AKAP11: variants seen among roughly 807,000 people sequenced by gnomAD.
The protein encoded by AKAP11 is A-kinase anchor protein 11.
A neutral mutation model predicts 146.1 loss-of-function variants in AKAP11; 36 were observed. The observed-to-expected ratio is 0.25, with a 90% CI of 0.19 to 0.33. AKAP11 has a LOEUF of 0.33. AKAP11 is among the 10% of genes least tolerant of loss of function. AKAP11 has a pLI of 1.00. For missense variants in AKAP11, 2,201 were observed against 2,197.0 expected, an observed-to-expected ratio of 1.00 and a Z score of -0.04; for synonymous variants, 780 against 786.5, an observed-to-expected ratio of 0.99 and a Z score of 0.14.
chr13:42,276,977 G>A (rs1021754910), intron 1 of AKAP11, among the ~76,000 whole-genome samples: 1 of 152,192 alleles, frequency 6.6e-6, no homozygotes, highest in African/African-American at 2.4e-5. Context: ...ATAGGGCTAC[G>A]TACAAGATTA....
In AKAP11 at chr13:42,300,101, C is replaced by T. The variant is rs750745892; in HGVS notation, c.1355C>T (p.Ser452Phe). ...EDSGLFSPIR[S>F]SAFSPLGGCT... is the part of the protein sequence containing the mutation. ...AGTGGTTTATTTAGTCCTATTCGAT[C>T]CTCTGCTTTTAGTCCTCTTGGAGGC... The change falls in exon 8 of 13, where the codon TCC becomes TTC. Residue 452 changes from serine to phenylalanine, a missense_variant. Coordinates refer to ENST00000025301, the MANE Select transcript of AKAP11 (RefSeq NM_016248.4). 19 of 1,613,818 alleles carry T rather than the reference C, an allele frequency of 1.2e-5. No homozygotes were observed. The highest frequency in any genetic ancestry group is 1.6e-4 in the Middle Eastern group (1 of 6,084).
chr13:42,293,680 C>T (rs989179722), intron 4 of AKAP11, among the ~76,000 whole-genome samples: 3 of 152,134 alleles, frequency 2.0e-5, no homozygotes, highest in East Asian at 1.9e-4. Flanking sequence ...TCGGATAGGT[C>T]GCAGTGCTTT....
intron 1 of AKAP11, among the ~76,000 whole-genome samples, chr13:42,274,944 T>C (rs1958878197): frequency 6.6e-6 from 1 of 152,228 alleles, no homozygotes; most frequent in Non-Finnish European, 1.5e-5. Context: ...AAAAAGTTAG[T>C]GCGAAGCACA....
At chr13:42,272,272 A>C (rs1280491949) in intron 1 of AKAP11, 44 bp downstream of exon 1, 4 of 152,280 alleles carry the variant, frequency 2.6e-5, no homozygotes, top group Admixed American at 2.0e-4. Context: ...CTGCGTTTAG[A>C]TGGGGTGGCG....
chr13:42,307,651 T>C (rs1314779889), intron 8 of AKAP11, among the ~76,000 whole-genome samples: 1 of 151,378 alleles, frequency 6.6e-6, no homozygotes, highest in Non-Finnish European at 1.5e-5. Context: ...AGGCTTGTAT[T>C]GCTGAAGTGG....
rs866978212 is a variant in AKAP11 at position 42,313,418 on chromosome 13, G to T, written c.5357+288G>T. ...ATTCAAAAGAGCTTGCTTCCTACAG[G>T]ATTTCTGTTGGGTTTTTTTGTTATG... On this transcript the variant is annotated intron_variant, in intron 10 of 12. Transcript: ENST00000025301. 1.2e-4 allele frequency among the ~76,000 whole-genome samples: 19 copies of T among 152,090 alleles called. No individual in the cohort carries two copies. In the Middle Eastern group the frequency reaches 0.01, roughly 82 times the overall value.
chr13:42,299,637 A>AT lies in AKAP11; in HGVS notation c.898dup (p.Ser300PhefsTer9), dbSNP rs796581724. The AT allele has an allele frequency of 6.2e-7, 1 of 1,613,836 alleles. No individual in the cohort carries two copies. The highest frequency in any genetic ancestry group is 8.5e-7 in the Non-Finnish European group (1 of 1,179,864). On this transcript the variant is annotated frameshift_variant, in exon 8 of 13. Coordinates refer to ENST00000025301, the MANE Select transcript of AKAP11 (RefSeq NM_016248.4). LOFTEE classifies it high-confidence loss of function. ...ATAAAGATAGTGATTTACAGAAAAC[A>AT]TTTTTTTCGTCTTCTCCTGCCTACT...
rs3038994 is a variant in AKAP11 at position 42,319,708 on chromosome 13, C to CCTTT, written c.*482_*485dup. 131,329 of 152,078 alleles carry CCTTT rather than the reference C, an allele frequency of 0.86. 56,794 individuals are homozygous for CCTTT. The highest frequency in any genetic ancestry group is 0.91 in the Admixed American group (13,851 of 15,240). The allele number at this position is 152,078 out of a possible 1,614,324, so 9.4% of individuals were successfully genotyped here. ...TTAAAAATTTCTAGTAGATTTTTGG[C>CCTTT]CTTTCCTGTTTTTAAAAATCAGTTT... On this transcript the variant is annotated 3_prime_UTR_variant, in exon 13 of 13. Coordinates refer to ENST00000025301, the MANE Select transcript of AKAP11 (RefSeq NM_016248.4).
At chr13:42,275,220 A>T (rs533318602) in intron 1 of AKAP11, among the ~76,000 whole-genome samples, 3 of 152,278 alleles carry the variant, frequency 2.0e-5, no homozygotes, top group African/African-American at 7.2e-5. Context: ...TTTCTTTCAG[A>T]TTGGCCTTCT....
chr13:42,277,070 T>G (rs116273344), intron 1 of AKAP11, among the ~76,000 whole-genome samples: 1,622 of 152,360 alleles, frequency 0.011, 22 homozygotes, highest in African/African-American at 0.037. Flanking sequence ...TTGCATTTTT[T>G]TGTAGGTATT....
intron 3 of AKAP11, among the ~76,000 whole-genome samples, chr13:42,287,103 C>G (rs909346987): frequency 1.3e-5 from 2 of 152,160 alleles, no homozygotes; most frequent in African/African-American, 4.8e-5. Context: ...TAACTCTTGT[C>G]TCCTTTGCTA....
chr13:42,305,140 T>G (rs1262788994), intron 8 of AKAP11, among the ~76,000 whole-genome samples: 1 of 152,224 alleles, frequency 6.6e-6, no homozygotes, highest in Non-Finnish European at 1.5e-5. Context: ...CCAACTTGTG[T>G]TATTAGTTGA....
In AKAP11 at chr13:42,299,374, A is replaced by T. The variant is rs765784592; in HGVS notation, c.628A>T (p.Thr210Ser). The part of the protein sequence containing the change: ...SKPYNDGMNI[T>S]VLRSQCDAAS... ...TTCTTTTCCTATAGGAATGAACATT[A>T]CTGTGCTAAGGAGCCAGTGTGATGC... The change falls in exon 8 of 13, where the codon ACT becomes TCT. Residue 210 changes from threonine (T) to serine (S), a missense_variant. By Grantham distance (58) the Thr-to-Ser change is moderately conservative (BLOSUM62 1). This residue lies in a region of AKAP11 where 331 missense variants were observed against 347.4 expected (regional missense o/e 0.95). Coordinates refer to ENST00000025301, the MANE Select transcript of AKAP11 (RefSeq NM_016248.4). The T allele has an allele frequency of 6.2e-7, 1 of 1,610,758 alleles. No homozygotes were observed. Among genetic ancestry groups the T allele is most frequent in the Admixed American group, 1.7e-5 (1 of 59,406 alleles).
At chr13:42,271,781 C>T (rs1342329715), upstream of AKAP11, among the ~76,000 whole-genome samples, 1 of 151,908 alleles carries the variant, frequency 6.6e-6, no homozygotes, top group Non-Finnish European at 1.5e-5. Context: ...AGGTCGCCCT[C>T]GAATTTAAAG....
At chr13:42,310,533 C>T (rs1421459708) in intron 9 of AKAP11, among the ~76,000 whole-genome samples, 1 of 151,962 alleles carries the variant, frequency 6.6e-6, no homozygotes, top group Non-Finnish European at 1.5e-5. Context: ...TTTTCTGCTA[C>T]AGAGATCAAG....
intron 1 of AKAP11, among the ~76,000 whole-genome samples, chr13:42,278,274 TCATTTTATA>T (rs1329271271): frequency 6.6e-6 from 1 of 152,198 alleles, no homozygotes; most frequent in Non-Finnish European, 1.5e-5. Flanking sequence ...CATACTAAAA[TCATTTTATA>T]CGATTGACTG....
upstream of AKAP11, among the ~76,000 whole-genome samples, chr13:42,271,878 G>A (rs1265527095): frequency 6.6e-6 from 1 of 151,750 alleles, no homozygotes; most frequent in Non-Finnish European, 1.5e-5. Flanking sequence ...CTGCTCCGCG[G>A]GCTGCACTGG....
chr13:42,307,634 A>C (rs1960330877), intron 8 of AKAP11, among the ~76,000 whole-genome samples: 1 of 151,934 alleles, frequency 6.6e-6, no homozygotes. Context: ...TTTGGGAAAC[A>C]ACAGAGAGGC....
chr13:42,317,030 A>T (rs565750091), intron 11 of AKAP11, among the ~76,000 whole-genome samples: 1 of 152,170 alleles, frequency 6.6e-6, no homozygotes, highest in African/African-American at 2.4e-5. Context: ...GGCATGTGCC[A>T]CCACGCCTGG....
Sources: allele counts gnomAD v4.1 joint callset (sites outside exome capture counted in the v4.1 genomes callset), GRCh38; gene constraint gnomAD v4.1.1; regional missense constraint gnomAD v4.1.1; transcripts MANE v1.5; gene names NCBI Gene and HGNC (gene_info 2026-07-23, HGNC 2026-07-21).